The following CFAP65 variants were observed in gnomAD, a reference collection of about 807,000 sequenced individuals.
The protein encoded by CFAP65 is cilia- and flagella-associated protein 65.
In CFAP65, 155 loss-of-function variants were observed where a neutral mutation model predicts 208.0. That is an observed-to-expected ratio of 0.75 (90% confidence interval 0.65 to 0.85). The LOEUF (loss-of-function observed/expected upper bound fraction) is 0.85, where lower values mean the gene tolerates loss of function less well. Among genes scored for constraint, CFAP65 ranks in the 40% least tolerant of loss-of-function variants. CFAP65 has a pLI of 0.00. For missense variants in CFAP65, 2,294 were observed against 2,451.3 expected (o/e 0.94, Z 1.36); for synonymous variants, 970 against 986.3 (o/e 0.98, Z 0.31).
chr2:219,035,052 G>GCCGTATCATT, intron 5 of CFAP65: 1 of 330,566 alleles, frequency 3.0e-6, no homozygotes, highest in South Asian at 4.8e-5. Flanking sequence ...CAAGGTGGTG[G>GCCGTATCATT]AATAGAAGGT....
chr2:219,027,544 G>C (rs754477702), intron 13 of CFAP65, 106 bp downstream of exon 13: 1 of 1,612,800 alleles, frequency 6.2e-7, no homozygotes, highest in Non-Finnish European at 8.5e-7. Flanking sequence ...CTGGCACGCA[G>C]AGGATGGAGC....
chr2:219,037,081 C>G (rs988152222), intron 4 of CFAP65, among the ~76,000 whole-genome samples: 23 of 152,278 alleles, frequency 1.5e-4, no homozygotes, highest in African/African-American at 5.1e-4. Context: ...GGAAGCCACT[C>G]TGAATGTTTA....
rs1348758191 is a variant in CFAP65 at position 219,031,239 on chromosome 2, G to A, written c.882C>T (p.Leu294=). The A allele has an allele frequency of 1.2e-6, 2 of 1,613,914 alleles. No individual in the cohort carries two copies. The highest frequency in any genetic ancestry group is 1.7e-5 in the Admixed American group (1 of 60,004). ...TCTGAGAGGCCTGGCCTGGCTCCAGGAGCCCCGTGGCGGGCAGCATCTGGA... is the reference window on the plus strand; with the variant it reads ...TCTGAGAGGCCTGGCCTGGCTCCAGAAGCCCCGTGGCGGGCAGCATCTGGA... ...SPFQMLPATG[L]LEPGQASQIK... Residue 294 remains leucine (L), a synonymous_variant, in exon 8 of 35, where the codon CTC becomes CTT. Transcript: ENST00000341552. The surrounding 1 kb of genome is among the most constrained non-coding windows in gnomAD (Gnocchi z 5.2).
Position 219,010,929 on chromosome 2 carries a change from T to C in CFAP65, c.4025A>G (p.Gln1342Arg), listed in dbSNP as rs1234409241. The change falls in exon 25 of 35, where the codon CAG (glutamine) becomes CGG (arginine). Residue 1342 changes from glutamine to arginine, a missense_variant. Physicochemically the swap from Gln to Arg is conservative, Grantham distance 43. Transcript: ENST00000341552. ...TYEVQTDVLS[Q>R]VQEKNFDHPI... ...GTGATCAAAATTTTTTTCCTGAACC[T>C]GTGACAGGACATCGGTCTGGACCTC... The C allele has an allele frequency of 6.2e-7, 1 of 1,613,920 alleles. No individual in the cohort carries two copies. The highest frequency in any genetic ancestry group is 1.1e-5 in the South Asian group (1 of 91,078).
chr2:219,039,162 TGCC>T, intron 2 of CFAP65, 112 bp from the exon 3 acceptor site: 3 of 944,168 alleles, frequency 3.2e-6, no homozygotes, highest in Non-Finnish European at 4.7e-6. Flanking sequence ...TTTGTATATA[TGCC>T]AGATGCTATG....
chr2:219,022,200 C>G lies in CFAP65; in HGVS notation c.2950G>C (p.Val984Leu). Residue 984 changes from valine to leucine, a missense_variant, in exon 17 of 35, where the codon GTG becomes CTG. Physicochemically the swap from Val to Leu is conservative, Grantham distance 32. This residue lies in a region of CFAP65 where 1,427 missense variants were observed against 1,438.7 expected (regional missense o/e 0.99). Coordinates refer to ENST00000341552, the MANE Select transcript of CFAP65 (RefSeq NM_194302.4). ...AATTHYMLRL[V>L]GVGLTSSLSA... ...AGGCTGCTGGTGAGCCCAACGCCCA[C>G]CAGCCGGAGCATGTAGTGGGTGGTG... 3.1e-6 allele frequency: 5 copies of G among 1,604,594 alleles called. No homozygotes were observed. The highest frequency in any genetic ancestry group is 1.1e-5 in the South Asian group (1 of 89,504).
In CFAP65 at chr2:219,040,521, C is replaced by T; in HGVS notation, c.-5G>A. On this transcript the variant is annotated splice_region_variant and 5_prime_UTR_variant, in exon 2 of 35. An upstream open reading frame in the 5' UTR gains an earlier in-frame stop. Transcript: ENST00000341552. ...GACAAGGCAGGCAAGGCTCCTACCT[C>T]CAATTGTGAACTGGACGTTCAGATG... 6.7e-7 allele frequency: 1 copy of T among 1,481,542 alleles called. No homozygotes were observed. The highest frequency in any genetic ancestry group is 9.2e-7 in the Non-Finnish European group (1 of 1,083,394). 91.8% of individuals were successfully genotyped at this position (1,481,542 alleles called of 1,614,324 possible).
rs780164844 is a variant in CFAP65 at position 219,025,672 on chromosome 2, C to T, written c.2349+350G>A. 3.3e-5 allele frequency among the ~76,000 whole-genome samples: 5 copies of T among 152,252 alleles called. No individual in the cohort carries two copies. The South Asian group carries it at 6.2e-4, about 19-fold the overall frequency. The stretch of plus-strand genomic sequence containing the variant: ...GGTGCGGCTGTCATATCCCTGGGCC[C>T]GAGCCCAGGACTTGGGGCACCCAGG... On this transcript the variant is annotated intron_variant, in intron 14 of 34. Transcript: ENST00000341552.
rs781445378 is a variant in CFAP65, at chr2:219,010,699, G to A, written c.4155C>T (p.Asp1385=). ...TCCATCCCAGGATGTGTATGGGCAC[G>A]TCCACCTGGGGAGTTAGGAGGGTGG... is the stretch of plus-strand genomic sequence containing the variant. The part of the protein sequence containing the change: ...SPIEAKTYTV[D]VPIHILGWNS... The change falls in exon 26 of 35, where the codon GAC becomes GAT. Residue 1385 remains aspartate (D), a synonymous_variant. Transcript: ENST00000341552. 4.9e-5 allele frequency: 79 copies of A among 1,606,224 alleles called. No individual in the cohort carries two copies. The highest frequency in any genetic ancestry group is 5.8e-5 in the Non-Finnish European group (68 of 1,176,594).
At chr2:219,037,941 G>A (rs1166585683) in intron 4 of CFAP65, among the ~76,000 whole-genome samples, 1 of 152,164 alleles carries the variant, frequency 6.6e-6, no homozygotes, top group Non-Finnish European at 1.5e-5. Context: ...TACATTATTG[G>A]TCAAACACAA....
chr2:219,010,447 C>A, intron 26 of CFAP65, 99 bp downstream of exon 26: 2 of 1,311,598 alleles, frequency 1.5e-6, no homozygotes, highest in Non-Finnish European at 2.1e-6. Context: ...TCAACTACAT[C>A]TCATGTCCCT....
At chr2:219,005,381 T>C (rs1945892368) in intron 32 of CFAP65, 53 bp downstream of exon 32, 2 of 1,609,402 alleles carry the variant, frequency 1.2e-6, no homozygotes, top group South Asian at 1.1e-5. Flanking sequence ...TCTGGCTGAA[T>C]GAGCTGGAGG....
chr2:219,021,717 C>T (rs1947273267), intron 18 of CFAP65, 63 bp downstream of exon 18: 9 of 1,565,276 alleles, frequency 5.7e-6, no homozygotes, highest in Admixed American at 1.8e-5. Context: ...AGCAGGTTAA[C>T]CGGTCTTAAC....
chr2:219,025,620 G>A (rs1947577795), intron 14 of CFAP65, among the ~76,000 whole-genome samples: 1 of 152,166 alleles, frequency 6.6e-6, no homozygotes, highest in Admixed American at 6.5e-5. Flanking sequence ...TCATAGGGCA[G>A]GGTGCTTCCC....
At chr2:219,023,104 T>G in intron 16 of CFAP65, 103 bp downstream of exon 16, 3 of 914,242 alleles carry the variant, frequency 3.3e-6, no homozygotes, top group Non-Finnish European at 5.2e-6. Flanking sequence ...TTACTGTGGA[T>G]GGAATTGGGG....
Position 219,003,453 on chromosome 2 carries a change from G to A in CFAP65, c.5556-181C>T, listed in dbSNP as rs574146665. ...ACGGACGTTCCAAGTGTGGCTAAAA[G>A]ATTCCAAGTTGCCAAATATGCTGCT... On this transcript the variant is annotated intron_variant, in intron 33 of 34. Coordinates refer to ENST00000341552, the MANE Select transcript of CFAP65 (RefSeq NM_194302.4). This position sits in a 1 kb window ranked among gnomAD's most constrained non-coding sequence, Gnocchi z 4.4. Among the ~76,000 whole-genome samples, 6 of 152,330 alleles carry A rather than the reference G, an allele frequency of 3.9e-5. No individual in the cohort carries two copies. The South Asian group carries it at 1.2e-3, about 32-fold the overall frequency.
Position 219,013,572 on chromosome 2 carries a change from C to T in CFAP65, c.3793G>A (p.Gly1265Ser), listed in dbSNP as rs758180660. Residue 1265 changes from glycine to serine, a missense_variant, in exon 23 of 35, where the codon GGT becomes AGT. Physicochemically the swap from Gly to Ser is moderately conservative, Grantham distance 56 (BLOSUM62 0). Transcript: ENST00000341552. The part of the protein sequence containing the change: ...VELKYSHLFI[G>S]TDHLPVLFKV... ...AAGAGCACTGGGAGGTGATCAGTAC[C>T]GATGAACAGGTGGCTAGAAAGAAAC... 22 of 1,599,910 alleles carry T rather than the reference C, an allele frequency of 1.4e-5. No homozygotes were observed. The highest frequency in any genetic ancestry group is 6.8e-5 in the East Asian group (3 of 44,438).
Position 219,024,093 on chromosome 2 carries a change from G to A in CFAP65, c.2517C>T (p.Ile839=). 2 of 1,614,098 alleles carry A rather than the reference G, an allele frequency of 1.2e-6. No homozygotes were observed. The highest frequency in any genetic ancestry group is 1.7e-6 in the Non-Finnish European group (2 of 1,180,040). ...AGGAGCTGCCCTCAGGGTAGGTGCA[G>A]ATGAGGATGATCTGGTGGGCCCCGG... The part of the protein sequence containing the change: ...VAPGAHQIIL[I]CTYPEGSSWK... The change falls in exon 15 of 35, where the codon ATC becomes ATT. Residue 839 remains isoleucine, a synonymous_variant. Transcript: ENST00000341552.
chr2:219,009,532 G>A (rs182761364), intron 27 of CFAP65, 72 bp from the exon 28 acceptor site: 4 of 964,022 alleles, frequency 4.1e-6, no homozygotes, highest in Non-Finnish European at 6.7e-6. Flanking sequence ...GGAATAGGAT[G>A]GGATGAGATG....
Sources: allele counts gnomAD v4.1 joint callset (sites outside exome capture counted in the v4.1 genomes callset), GRCh38; gene constraint gnomAD v4.1.1; regional missense constraint gnomAD v4.1.1; non-coding constraint Gnocchi (gnomAD v3.1); transcripts MANE v1.5; gene names NCBI Gene and HGNC (gene_info 2026-07-23, HGNC 2026-07-21).